The following PTDSS2 variants were observed in gnomAD, a reference collection of about 807,000 sequenced individuals.
PTDSS2 encodes PSS-2.
Under a neutral mutation model 64.7 loss-of-function variants are expected in PTDSS2, and 41 were observed. The ratio of observed to expected loss-of-function variants is 0.63; its 90% CI spans 0.49 to 0.82. The LOEUF (loss-of-function observed/expected upper bound fraction) is 0.82. Among genes scored for constraint, PTDSS2 ranks in the 40% least tolerant of loss-of-function variants. The pLI is 0.00. For synonymous variants in PTDSS2, 297 were observed against 277.8 expected, an observed-to-expected ratio of 1.07 and a Z score of -0.69; for missense variants, 485 against 650.0, an observed-to-expected ratio of 0.75 and a Z score of 2.76.
chr11:467,825 A>G lies in PTDSS2; in HGVS notation c.285-6070A>G, dbSNP rs551943213. On this transcript the variant is annotated intron_variant, in intron 2 of 11. Coordinates refer to ENST00000308020, the MANE Select transcript of PTDSS2 (RefSeq NM_030783.3). ...TGAATATTTATCCAACTGAATTGAA[A>G]ACTTATGTCCACATAAAAACCTGCA... Among the ~76,000 whole-genome samples, 18 of 152,064 alleles carry G rather than the reference A, an allele frequency of 1.2e-4. No individual in the cohort carries two copies. In the South Asian group the frequency reaches 3.5e-3, roughly 30 times the overall value.
At chr11:475,238 T>C (rs76650138) in intron 3 of PTDSS2, among the ~76,000 whole-genome samples, 143 of 67,572 alleles carry the variant, frequency 2.1e-3, no homozygotes, top group African/African-American at 6.6e-3. Context: ...CATGTTCACG[T>C]GTTTGTGTGT....
intron 3 of PTDSS2, among the ~76,000 whole-genome samples, chr11:474,370 C>T (rs1172957476): frequency 7.6e-6 from 1 of 132,040 alleles, no homozygotes; most frequent in Admixed American, 8.2e-5. Context: ...CTAGGTGGGA[C>T]TCTGAGACCA....
chr11:482,277 C>G (rs1184698257), intron 4 of PTDSS2, among the ~76,000 whole-genome samples: 1 of 147,248 alleles, frequency 6.8e-6, no homozygotes, highest in Non-Finnish European at 1.5e-5. Flanking sequence ...GGCTGGAGTG[C>G]AGTGGCACGA....
chr11:475,544 G>T (rs111318191), intron 3 of PTDSS2, among the ~76,000 whole-genome samples: 3 of 149,676 alleles, frequency 2.0e-5, no homozygotes, highest in African/African-American at 7.4e-5. Context: ...GGACATTCAC[G>T]CGTTTGTGTG....
At chr11:465,651 G>A (rs767601553) in intron 2 of PTDSS2, among the ~76,000 whole-genome samples, 6 of 152,152 alleles carry the variant, frequency 3.9e-5, no homozygotes, top group Non-Finnish European at 8.8e-5. Flanking sequence ...TCTGCTGGGT[G>A]TGGTGGTTCA....
At position 460,171 on chromosome 11, in the gene PTDSS2, C is replaced by T. The variant is rs763307756; in HGVS notation, c.183-16C>T. 6.2e-6 allele frequency: 10 copies of T among 1,606,964 alleles called. No individual in the cohort carries two copies. Among genetic ancestry groups the T allele is most frequent in the South Asian group, 2.2e-5 (2 of 90,916 alleles). On this transcript the variant is annotated splice_polypyrimidine_tract_variant and intron_variant, in intron 1 of 11. Coordinates refer to ENST00000308020, the MANE Select transcript of PTDSS2 (RefSeq NM_030783.3). The surrounding 1 kb of genome is among the most constrained non-coding windows in gnomAD (Gnocchi z 5.8). ...CCCAAGCTCTGACACCATGCTTATG[C>T]GTTTTTGGATTTCAGGCGAGCCCAC...
Position 482,262 on chromosome 11 carries a change from G to A in PTDSS2, c.435+3110G>A, listed in dbSNP as rs968900182. On this transcript the variant is annotated intron_variant, in intron 4 of 11. Coordinates refer to ENST00000308020, the MANE Select transcript of PTDSS2 (RefSeq NM_030783.3). Reference sequence around the variant, plus strand: ...TTTTGAGACGGAGTCTTGCTCTGTCGCCCAGGCTGGAGTGCAGTGGCACGA... The same window carrying A: ...TTTTGAGACGGAGTCTTGCTCTGTCACCCAGGCTGGAGTGCAGTGGCACGA... Among the ~76,000 whole-genome samples, 6 of 144,070 alleles carry A rather than the reference G, an allele frequency of 4.2e-5. No individual in the cohort carries two copies. In the South Asian group the frequency reaches 6.6e-4, roughly 16 times the overall value. 94.5% of individuals were successfully genotyped at this position (144,070 alleles called of 152,430 possible). A position where few individuals can be genotyped will look rare whatever the true frequency, so the allele number is the denominator to read the frequency against.
chr11:451,233 C>A, intron 1 of PTDSS2: 1 of 299,744 alleles, frequency 3.3e-6, no homozygotes, highest in Non-Finnish European at 7.0e-6. Context: ...GCGCCTCCTC[C>A]CTGCACAACT....
At chr11:477,716 G>T (rs866941136) in intron 3 of PTDSS2, among the ~76,000 whole-genome samples, 1 of 152,232 alleles carries the variant, frequency 6.6e-6, no homozygotes, top group Non-Finnish European at 1.5e-5. Flanking sequence ...CTCAGAGAGC[G>T]CCTGCAGGCC....
chr11:484,013 C>T (rs1345398036), intron 4 of PTDSS2, among the ~76,000 whole-genome samples: 1 of 152,184 alleles, frequency 6.6e-6, no homozygotes, highest in African/African-American at 2.4e-5. Flanking sequence ...TCGTTGCCCC[C>T]CTTGGTGTGT....
chr11:466,357 G>GGCT (rs1168787262), intron 2 of PTDSS2, among the ~76,000 whole-genome samples: 4 of 152,002 alleles, frequency 2.6e-5, no homozygotes, highest in African/African-American at 9.7e-5. Flanking sequence ...TCCTCACAAA[G>GGCT]GCGGCAGGAG....
In PTDSS2 at chr11:477,373, G is replaced by A. The variant is rs559874963; in HGVS notation, c.368-1712G>A. On this transcript the variant is annotated intron_variant, in intron 3 of 11. Coordinates refer to ENST00000308020, the MANE Select transcript of PTDSS2 (RefSeq NM_030783.3). Reference sequence around the variant, plus strand: ...GCTGCCTGTCTGTCTTTCCCCTCTGGTGTGATGTTTAGAAAGACAAATGAG... The same window carrying A: ...GCTGCCTGTCTGTCTTTCCCCTCTGATGTGATGTTTAGAAAGACAAATGAG... 2.6e-5 allele frequency among the ~76,000 whole-genome samples: 4 copies of A among 152,320 alleles called. No homozygotes were observed. The South Asian group carries it at 8.3e-4, about 32-fold the overall frequency.
chr11:487,346 T>C, intron 5 of PTDSS2, 74 bp from the exon 6 acceptor site: 1 of 1,374,242 alleles, frequency 7.3e-7, no homozygotes, highest in Non-Finnish European at 1.0e-6. Context: ...TGCTCAGGTG[T>C]GGGCTGATCT....
chr11:473,190 C>T (rs978448214), intron 2 of PTDSS2, among the ~76,000 whole-genome samples: 3 of 152,218 alleles, frequency 2.0e-5, no homozygotes, highest in African/African-American at 7.2e-5. Flanking sequence ...GGAGGGAGCA[C>T]CTTGCCCCTG....
At chr11:488,034 ACT>A (rs1848478591) in intron 6 of PTDSS2, among the ~76,000 whole-genome samples, 163 bp from the exon 7 acceptor site, 1 of 142,972 alleles carries the variant, frequency 7.0e-6, no homozygotes, top group Non-Finnish European at 1.5e-5. Context: ...TGCGTCCCAT[ACT>A]CTGGCTGCCA....
chr11:466,754 C>T (rs1847161680), intron 2 of PTDSS2, among the ~76,000 whole-genome samples: 2 of 152,146 alleles, frequency 1.3e-5, no homozygotes, highest in South Asian at 4.1e-4. Flanking sequence ...GACTCCCTCA[C>T]TACATGAGAA....
chr11:450,753 T>G, intron 1 of PTDSS2, 116 bp downstream of exon 1: 1 of 951,556 alleles, frequency 1.1e-6, no homozygotes. Flanking sequence ...TCCAGGACTG[T>G]GGCCGGGGGT....
rs369508821 is a variant in PTDSS2 at position 477,246 on chromosome 11, G to A, written c.368-1839G>A. ...GCTGCAGCTCTGAGGGAGGTGGAAC[G>A]TTCTGGGCCACTGAGGAGGGCATCC... On this transcript the variant is annotated intron_variant, in intron 3 of 11. Coordinates refer to ENST00000308020, the MANE Select transcript of PTDSS2 (RefSeq NM_030783.3). Among the ~76,000 whole-genome samples, 26 of 152,330 alleles carry A rather than the reference G, an allele frequency of 1.7e-4. 1 individual carries two copies. The highest frequency in any genetic ancestry group is 1.7e-3 in the South Asian group (8 of 4,828).
At position 490,579 on chromosome 11, in the gene PTDSS2, C is replaced by A. The variant is rs759033352; in HGVS notation, c.1461C>A (p.Asn487Lys). Reference protein sequence around the residue: ...VAEGEGAPTPN With the variant: ...VAEGEGAPTPK The stretch of plus-strand genomic sequence containing the variant: ...AGGGCGAGGGAGCACCAACTCCAAA[C>A]TGACCTGGGCCGTGGCTGCCTCGTG... Residue 487 changes from asparagine to lysine, a missense_variant, in exon 12 of 12, where the codon AAC (asparagine) becomes AAA (lysine). By Grantham distance (94) the Asn-to-Lys change is moderately conservative. This residue lies in a region of PTDSS2 where 219 missense variants were observed against 257.3 expected (regional missense o/e 0.85). Transcript: ENST00000308020. 1.3e-6 allele frequency: 2 copies of A among 1,588,448 alleles called. No individual in the cohort carries two copies. Among genetic ancestry groups the A allele is most frequent in the Non-Finnish European group, 1.7e-6 (2 of 1,167,758 alleles).
Sources: allele counts gnomAD v4.1 joint callset (sites outside exome capture counted in the v4.1 genomes callset), GRCh38; gene constraint gnomAD v4.1.1; regional missense constraint gnomAD v4.1.1; non-coding constraint Gnocchi (gnomAD v3.1); transcripts MANE v1.5; gene names NCBI Gene and HGNC (gene_info 2026-07-23, HGNC 2026-07-21).